Variants in DNM3 observed in about 807,000 individuals in gnomAD.
The protein encoded by DNM3 is dynamin 3, also known as dynamin-3.
A neutral mutation model predicts 101.6 loss-of-function variants in DNM3; 47 were observed. The observed-to-expected ratio is 0.46, with a 90% CI of 0.37 to 0.59. DNM3 has a LOEUF of 0.59. Ranked by LOEUF, DNM3 falls within the 20% of genes least tolerant of loss-of-function variation. The pLI, the probability that DNM3 is intolerant of heterozygous loss-of-function variation, is 0.00. For missense variants in DNM3, 849 were observed against 1,085.7 expected (o/e 0.78, Z 3.06); for synonymous variants, 385 against 387.9 (o/e 0.99, Z 0.09).
rs1262711597 is a variant in DNM3, at chr1:172,265,268, C to T, written c.1769+11586C>T. Reference sequence around the variant, plus strand: ...ACATCCTTTAAAAAAAAAAAGGCTTCGGTGTCCTGGTGAATTAATATAATC... The same window carrying T: ...ACATCCTTTAAAAAAAAAAAGGCTTTGGTGTCCTGGTGAATTAATATAATC... On this transcript the variant is annotated intron_variant, in intron 15 of 20. Coordinates refer to ENST00000627582, the MANE Select transcript of DNM3 (RefSeq NM_015569.5). 6.6e-5 allele frequency among the ~76,000 whole-genome samples: 10 copies of T among 151,498 alleles called. 1 individual carries two copies. In the South Asian group the frequency reaches 1.7e-3, roughly 25 times the overall value.
At chr1:172,302,599 C>T (rs548764889) in intron 15 of DNM3, among the ~76,000 whole-genome samples, 1 of 152,328 alleles carries the variant, frequency 6.6e-6, no homozygotes, top group African/African-American at 2.4e-5. Flanking sequence ...TGTAGCCTAA[C>T]TGGGAGACAC....
intron 2 of DNM3, among the ~76,000 whole-genome samples, chr1:171,925,573 T>C (rs772514381): frequency 3.3e-5 from 5 of 152,154 alleles, no homozygotes; most frequent in Non-Finnish European, 7.3e-5. Context: ...TTCTTGTTGA[T>C]TTGTTTAAAG....
chr1:171,853,274 C>T (rs1249655507), intron 1 of DNM3, among the ~76,000 whole-genome samples: 1 of 152,074 alleles, frequency 6.6e-6, no homozygotes, highest in Admixed American at 6.5e-5. Context: ...TGAGATCCTC[C>T]CACCTCAGCC....
chr1:172,133,063 G>C (rs2057026867), intron 14 of DNM3: 2 of 1,451,616 alleles, frequency 1.4e-6, no homozygotes, highest in Non-Finnish European at 1.8e-6. Context: ...TCCCACAGAG[G>C]ACTTATGAAG....
chr1:172,204,137 T>A (rs1014124994), intron 14 of DNM3, among the ~76,000 whole-genome samples: 2 of 152,150 alleles, frequency 1.3e-5, no homozygotes, highest in Non-Finnish European at 2.9e-5. Flanking sequence ...TTCTTCTGTA[T>A]AATTGAGCCA....
intron 15 of DNM3, among the ~76,000 whole-genome samples, chr1:172,272,956 A>G (rs2063141453): frequency 6.6e-6 from 1 of 152,042 alleles, no homozygotes; most frequent in Non-Finnish European, 1.5e-5. Context: ...CCTAACAAAC[A>G]ATATTGGGCT....
At chr1:172,039,592 A>G (rs1296891124) in intron 7 of DNM3, among the ~76,000 whole-genome samples, 1 of 152,002 alleles carries the variant, frequency 6.6e-6, no homozygotes, top group Non-Finnish European at 1.5e-5. Flanking sequence ...TCATTATCTT[A>G]ATATCCAACT....
At chr1:172,225,235 T>G (rs1017077710) in intron 14 of DNM3, among the ~76,000 whole-genome samples, 1 of 142,890 alleles carries the variant, frequency 7.0e-6, no homozygotes, top group Non-Finnish European at 1.5e-5. Flanking sequence ...GTCTCCCAGA[T>G]TCAAGTGATT....
At chr1:171,881,588 C>T (rs2036271928) in intron 1 of DNM3, among the ~76,000 whole-genome samples, 1 of 152,118 alleles carries the variant, frequency 6.6e-6, no homozygotes, top group African/African-American at 2.4e-5. Context: ...CTCCATAGAG[C>T]CAGGGTCAGG....
chr1:172,097,397 CA>C (rs199982004), intron 13 of DNM3, among the ~76,000 whole-genome samples: 50 of 132,726 alleles, frequency 3.8e-4, no homozygotes, highest in Admixed American at 3.8e-4. Flanking sequence ...AAGACTGTCT[CA>C]AAAAAAAAAA....
At chr1:172,256,780 C>T (rs2062416905) in intron 15 of DNM3, among the ~76,000 whole-genome samples, 1 of 151,866 alleles carries the variant, frequency 6.6e-6, no homozygotes. Flanking sequence ...TTTATCCTTT[C>T]CTTTTCTTAT....
At chr1:172,225,134 CTTTTTTTT>C (rs1168334078) in intron 14 of DNM3, among the ~76,000 whole-genome samples, 58 of 65,534 alleles carry the variant, frequency 8.9e-4, no homozygotes, top group African/African-American at 3.5e-3. Flanking sequence ...TCTTCTTCCT[CTTTTTTTT>C]TTTTTTTTTT....
chr1:172,348,900 G>T (rs1053042593), intron 17 of DNM3, among the ~76,000 whole-genome samples: 1 of 152,106 alleles, frequency 6.6e-6, no homozygotes, highest in Non-Finnish European at 1.5e-5. Flanking sequence ...GTTAGTAAAT[G>T]GTAAATTCAA....
At chr1:171,995,069 C>G (rs1046830799) in intron 4 of DNM3, among the ~76,000 whole-genome samples, 2 of 146,060 alleles carry the variant, frequency 1.4e-5, no homozygotes, top group African/African-American at 2.5e-5. Flanking sequence ...AAACACCATA[C>G]GGCTTGTTGT....
rs147192286 is a variant in DNM3, at chr1:172,297,676, T to C, written c.1770-11052T>C. 4.7e-3 allele frequency among the ~76,000 whole-genome samples: 710 copies of C among 152,286 alleles called. 12 individuals carry two copies. The highest frequency in any genetic ancestry group is 0.016 in the African/African-American group (671 of 41,578). ...GGATATGAAGCGTTTATATCTTTAT[T>C]GCTTTCTAAATAATTTTTACTTTTG... On this transcript the variant is annotated intron_variant, in intron 15 of 20. Coordinates refer to ENST00000627582, the MANE Select transcript of DNM3 (RefSeq NM_015569.5).
intron 11 of DNM3, among the ~76,000 whole-genome samples, chr1:172,076,501 G>A (rs35665317): frequency 0.32 from 48,968 of 152,022 alleles, 9,018 homozygotes; most frequent in Non-Finnish European, 0.4. Context: ...TCAATACCTA[G>A]TTTATTGAGA....
intron 1 of DNM3, among the ~76,000 whole-genome samples, chr1:171,893,175 C>T (rs116504875): frequency 2.7e-3 from 414 of 152,220 alleles, no homozygotes; most frequent in African/African-American, 9.5e-3. Flanking sequence ...TCTGTTTTGT[C>T]ACATTCTGCA....
At chr1:172,045,379 C>T (rs1333975483) in intron 9 of DNM3, among the ~76,000 whole-genome samples, 1 of 152,098 alleles carries the variant, frequency 6.6e-6, no homozygotes, top group African/African-American at 2.4e-5. Context: ...GGTGAGATCC[C>T]TTTTCTGGCC....
chr1:172,038,604 AT>A, intron 7 of DNM3, 143 bp downstream of exon 7: 1 of 1,117,294 alleles, frequency 9.0e-7, no homozygotes, highest in Non-Finnish European at 1.3e-6. Context: ...TAACTCTTGA[AT>A]TTTTATGCTT....
Sources: gnomAD v4.1 joint callset for allele counts (sites outside exome capture counted in the v4.1 genomes callset) on GRCh38, gnomAD v4.1.1 for gene constraint, MANE v1.5 for transcripts, NCBI Gene and HGNC (gene_info 2026-07-23, HGNC 2026-07-21) for gene names.